POLR2C: variants seen among roughly 807,000 people sequenced by gnomAD.
POLR2C encodes the protein DNA-directed RNA polymerase II subunit RPB3.
In POLR2C, 36 loss-of-function variants were observed where a neutral mutation model predicts 41.7. The observed-to-expected ratio is 0.86, with a 90% CI of 0.66 to 1.14. The LOEUF (loss-of-function observed/expected upper bound fraction) is 1.14. Ranked by LOEUF, POLR2C falls within the 50% of genes most tolerant of loss-of-function variation. POLR2C has a pLI of 0.00. For missense variants in POLR2C, 260 were observed against 350.4 expected, an observed-to-expected ratio of 0.74 and a Z score of 2.06; for synonymous variants, 133 against 137.8, an observed-to-expected ratio of 0.96 and a Z score of 0.25.
intron 2 of POLR2C, among the ~76,000 whole-genome samples, chr16:57,465,550 C>T (rs1241260614): frequency 6.6e-6 from 1 of 152,100 alleles, no homozygotes; most frequent in East Asian, 1.9e-4. Flanking sequence ...GAGGTATGGC[C>T]CCATAAGTCT....
intron 2 of POLR2C, among the ~76,000 whole-genome samples, chr16:57,464,665 C>A: frequency 8.6e-6 from 1 of 115,842 alleles, no homozygotes; most frequent in Admixed American, 9.2e-5. Context: ...CACCACCCCA[C>A]CCCCCCGCCC....
chr16:57,467,692 C>T (rs904230016), intron 4 of POLR2C, among the ~76,000 whole-genome samples: 1 of 152,244 alleles, frequency 6.6e-6, no homozygotes, highest in Non-Finnish European at 1.5e-5. Context: ...CATCCTAACA[C>T]TTCCAAGTAC....
At position 57,462,759 on chromosome 16, in the gene POLR2C, C is replaced by G; in HGVS notation, c.35C>G (p.Thr12Arg). The G allele has an allele frequency of 1.2e-6, 2 of 1,608,416 alleles. No homozygotes were observed. The highest frequency in any genetic ancestry group is 1.1e-5 in the South Asian group (1 of 89,934). ...PYANQPTVRI[T>R]ELTDENVKFI... ...GCCAACCAGCCTACCGTGCGGATCA[C>G]GGAGCTCACTGACGAGAATGTCAAG... Residue 12 changes from threonine to arginine, a missense_variant, in exon 1 of 9, where the codon ACG (threonine) becomes AGG (arginine). Transcript: ENST00000219252.
rs749571586 is a variant in POLR2C at position 57,469,424 on chromosome 16, C to T, written c.387+131C>T. The T allele has an allele frequency of 2.0e-6, 2 of 1,000,362 alleles. No homozygotes were observed. Among genetic ancestry groups the T allele is most frequent in the Admixed American group, 1.9e-5 (1 of 51,324 alleles). The allele number at this position is 1,000,362 out of a possible 1,614,324, so 62.0% of individuals were successfully genotyped here. A position where few individuals can be genotyped will look rare whatever the true frequency, so the allele number is the denominator to read the frequency against. ...TGTTACCCTCTGCCTTAATCTGATC[C>T]CTAGAAGTGCTAATTCTGGATTCCT... On this transcript the variant is annotated intron_variant, in intron 5 of 8. Coordinates refer to ENST00000219252, the MANE Select transcript of POLR2C (RefSeq NM_032940.3). This position sits in a 1 kb window ranked among gnomAD's most constrained non-coding sequence, Gnocchi z 5.8.
chr16:57,471,202 C>A lies in POLR2C; in HGVS notation c.*83C>A. The A allele has an allele frequency of 8.3e-7, 1 of 1,209,606 alleles. No homozygotes were observed. Among genetic ancestry groups the A allele is most frequent in the African/African-American group, 1.5e-5 (1 of 67,252 alleles). 74.9% of individuals were successfully genotyped at this position (1,209,606 alleles called of 1,614,324 possible). A position where few individuals can be genotyped will look rare whatever the true frequency, so the allele number is the denominator to read the frequency against. ...GTCTCTCTTCAGACTCTTCTCGTTT[C>A]TGAGAATCTAGTCTACTGTTGGTTG... On this transcript the variant is annotated 3_prime_UTR_variant, in exon 9 of 9. Coordinates refer to ENST00000219252, the MANE Select transcript of POLR2C (RefSeq NM_032940.3).
At position 57,470,341 on chromosome 16, in the gene POLR2C, G is replaced by C. The variant is rs779318754; in HGVS notation, c.670G>C (p.Gly224Arg). ...DESQAPYDPN[G>R]KPERFYYNVE... ...GTCGCAGGCTCCCTATGACCCCAAC[G>C]GCAAGCCAGAAAGGTAAGAGCCTGG... Residue 224 changes from glycine (G) to arginine (R), a missense_variant, in exon 8 of 9, where the codon GGC becomes CGC. Transcript: ENST00000219252. 6.2e-7 allele frequency: 1 copy of C among 1,608,338 alleles called. No individual in the cohort carries two copies. Among genetic ancestry groups the C allele is most frequent in the Non-Finnish European group, 8.5e-7 (1 of 1,177,128 alleles).
At position 57,469,463 on chromosome 16, in the gene POLR2C, A is replaced by G. The variant is rs2030777512; in HGVS notation, c.387+170A>G. On this transcript the variant is annotated intron_variant, in intron 5 of 8. Transcript: ENST00000219252. This position sits in a 1 kb window ranked among gnomAD's most constrained non-coding sequence, Gnocchi z 5.8. ...TTCTGGATTCCTCTTGGGCATCGTT[A>G]GCATCGTTGGTGCTGCGCACCCTCT... The G allele has an allele frequency of 1.3e-6, 1 of 797,646 alleles. No individual in the cohort carries two copies. The allele number at this position is 797,646 out of a possible 1,614,324, so 49.4% of individuals were successfully genotyped here.
chr16:57,463,326 G>T, intron 2 of POLR2C: 1 of 591,098 alleles, frequency 1.7e-6, no homozygotes. Context: ...GTTTAGCAGT[G>T]TGCAGACTTG....
intron 2 of POLR2C, chr16:57,463,603 G>C (rs2030634285): frequency 2.2e-6 from 1 of 451,714 alleles, no homozygotes; most frequent in Non-Finnish European, 4.5e-6. Flanking sequence ...TGCGTACCCA[G>C]TTTTAGCTCC....
intron 2 of POLR2C, among the ~76,000 whole-genome samples, chr16:57,465,054 G>T (rs982068232): frequency 3.3e-5 from 5 of 152,166 alleles, no homozygotes; most frequent in African/African-American, 1.2e-4. Context: ...AGCAGGCAAG[G>T]CTTAGTTTTC....
chr16:57,463,826 C>G, intron 2 of POLR2C: 1 of 322,164 alleles, frequency 3.1e-6, no homozygotes, highest in Non-Finnish European at 6.2e-6. Flanking sequence ...ACCTGTAATC[C>G]CAGCTACTGG....
chr16:57,470,328 C>T lies in POLR2C; in HGVS notation c.657C>T (p.Pro219=), dbSNP rs2097552683. 6.2e-7 allele frequency: 1 copy of T among 1,611,356 alleles called. No individual in the cohort carries two copies. Among genetic ancestry groups the T allele is most frequent in the Non-Finnish European group, 8.5e-7 (1 of 1,178,702 alleles). ...TGGATGAGGATGAGTCGCAGGCTCC[C>T]TATGACCCCAACGGCAAGCCAGAAA... is the stretch of plus-strand genomic sequence containing the variant. The part of the protein sequence containing the change: ...SELDEDESQA[P]YDPNGKPERF... Residue 219 remains proline, a synonymous_variant, in exon 8 of 9, where the codon CCC becomes CCT. Transcript: ENST00000219252.
At chr16:57,464,514 A>G (rs1410335991) in intron 2 of POLR2C, among the ~76,000 whole-genome samples, 3 of 152,238 alleles carry the variant, frequency 2.0e-5, no homozygotes, top group Non-Finnish European at 4.4e-5. Flanking sequence ...TACTTCAAGC[A>G]TTTCTGAGAG....
chr16:57,466,893 G>A (rs147299214), intron 4 of POLR2C, among the ~76,000 whole-genome samples: 248 of 152,140 alleles, frequency 1.6e-3, no homozygotes, highest in Middle Eastern at 3.4e-3. Flanking sequence ...TGTCATTTTT[G>A]TGATGGCTAA....
Position 57,469,104 on chromosome 16 carries a change from G to A in POLR2C, c.259-61G>A. 6.4e-7 allele frequency: 1 copy of A among 1,566,206 alleles called. No individual in the cohort carries two copies. The highest frequency in any genetic ancestry group is 1.4e-5 in the African/African-American group (1 of 73,280). ...CATTAGATGCAGGAAGCCAAGACAA[G>A]GAGCCAAGGCAGGAGTTGCCATCTC... On this transcript the variant is annotated intron_variant, in intron 4 of 8. Transcript: ENST00000219252. This position sits in a 1 kb window ranked among gnomAD's most constrained non-coding sequence, Gnocchi z 5.8.
Position 57,469,838 on chromosome 16 carries a change from T to C in POLR2C, c.439+77T>C. The stretch of plus-strand genomic sequence containing the variant: ...ACACAGCCTCTCGTGCTGCCTGGTC[T>C]CCTCGAAAATTGGCTTTAGACCGTT... On this transcript the variant is annotated intron_variant, in intron 6 of 8. Coordinates refer to ENST00000219252, the MANE Select transcript of POLR2C (RefSeq NM_032940.3). This position sits in a 1 kb window ranked among gnomAD's most constrained non-coding sequence, Gnocchi z 5.8. 1 of 1,568,004 alleles carries C rather than the reference T, an allele frequency of 6.4e-7. No individual in the cohort carries two copies. Among genetic ancestry groups the C allele is most frequent in the South Asian group, 1.1e-5 (1 of 90,152 alleles).
intron 2 of POLR2C, 109 bp from the exon 3 acceptor site, chr16:57,465,844 G>A (rs1420689781): frequency 9.8e-5 from 75 of 766,974 alleles, no homozygotes; most frequent in Non-Finnish European, 2.1e-5. Flanking sequence ...AATCAGCCCA[G>A]CAATCTGCAG....
intron 2 of POLR2C, among the ~76,000 whole-genome samples, chr16:57,464,560 TAA>T (rs1434461128): frequency 6.6e-6 from 1 of 152,180 alleles, no homozygotes; most frequent in Non-Finnish European, 1.5e-5. Context: ...AAAATAAATA[TAA>T]GTCATAGCTG....
chr16:57,470,310 G>A lies in POLR2C; in HGVS notation c.639G>A (p.Glu213=). The change falls in exon 8 of 9, where the codon GAG becomes GAA. Residue 213 remains glutamate, a synonymous_variant. Coordinates refer to ENST00000219252, the MANE Select transcript of POLR2C (RefSeq NM_032940.3). Reference sequence around the variant, plus strand: ...AGAGTGAGTACTCGGAGCTGGATGAGGATGAGTCGCAGGCTCCCTATGACC... The same window carrying A: ...AGAGTGAGTACTCGGAGCTGGATGAAGATGAGTCGCAGGCTCCCTATGACC... ...WPKSEYSELD[E]DESQAPYDPN... The A allele has an allele frequency of 6.2e-7, 1 of 1,612,928 alleles. No individual in the cohort carries two copies. Among genetic ancestry groups the A allele is most frequent in the Non-Finnish European group, 8.5e-7 (1 of 1,179,430 alleles).
Sources: gnomAD v4.1 joint callset for allele counts (sites outside exome capture counted in the v4.1 genomes callset) on GRCh38, gnomAD v4.1.1 for gene constraint, Gnocchi (gnomAD v3.1) non-coding constraint, MANE v1.5 for transcripts, NCBI Gene and HGNC (gene_info 2026-07-23, HGNC 2026-07-21) for gene names.